MDM4: variants seen among roughly 807,000 people sequenced by gnomAD.
MDM4 encodes the protein MDM4 regulator of p53, also known as protein Mdm4.
MDM4 carries 2 observed loss-of-function variants against 60.2 expected under a neutral mutation model. That is an observed-to-expected ratio of 0.03 (90% CI 0.01 to 0.10). MDM4 has a LOEUF of 0.10. MDM4 is among the 10% of genes least tolerant of loss of function. The pLI, the probability that MDM4 is intolerant of heterozygous loss-of-function variation, is 1.00. For missense variants in MDM4, 447 were observed against 577.5 expected (o/e 0.77, Z 2.32); for synonymous variants, 202 against 198.1 (o/e 1.02, Z -0.17).
In MDM4 at chr1:204,549,820, T is replaced by C; in HGVS notation, c.*138T>C. 1 of 573,094 alleles carries C rather than the reference T, an allele frequency of 1.7e-6. No individual in the cohort carries two copies. 35.5% of individuals were successfully genotyped at this position (573,094 alleles called of 1,614,324 possible). ...AAATCCAAGGTAGCTGTAAGAAAAA[T>C]ACTGGAGCTAACAATGAAGAACAGA... On this transcript the variant is annotated 3_prime_UTR_variant, in exon 11 of 11. Transcript: ENST00000367182.
rs4252715 is a variant in MDM4, at chr1:204,542,741, C to T, written c.512-43C>T. On this transcript the variant is annotated intron_variant, in intron 7 of 10. Coordinates refer to ENST00000367182, the MANE Select transcript of MDM4 (RefSeq NM_002393.5). ...ATTCTAAAGATAGTCTTAGTTATTA[C>T]GTATTGTGCATAGTTATCATTCTTT... The T allele has an allele frequency of 4.6e-4, 648 of 1,409,188 alleles. 3 individuals carry two copies. In the African/African-American group the frequency reaches 7.9e-3, roughly 17 times the overall value. The allele number at this position is 1,409,188 out of a possible 1,614,324, so 87.3% of individuals were successfully genotyped here. A position where few individuals can be genotyped will look rare whatever the true frequency, so the allele number is the denominator to read the frequency against.
In MDM4 at chr1:204,553,769, C is replaced by T. The variant is rs115785685; in HGVS notation, c.*4087C>T. The T allele has an allele frequency of 6.3e-4, 140 of 223,356 alleles. No homozygotes were observed. Among genetic ancestry groups the T allele is most frequent in the African/African-American group, 3.0e-3 (135 of 44,980 alleles). The allele number at this position is 223,356 out of a possible 1,614,324, so 13.8% of individuals were successfully genotyped here. On this transcript the variant is annotated 3_prime_UTR_variant, in exon 11 of 11. Coordinates refer to ENST00000367182, the MANE Select transcript of MDM4 (RefSeq NM_002393.5). ...CTCACTCTCCTTCCAGTGTACTTCA[C>T]AGTAATTGGTATGCTTTTTTATTTA...
Position 204,556,092 on chromosome 1 carries a change from C to A in MDM4, c.*6410C>A, listed in dbSNP as rs1240053794. 2.7e-5 allele frequency: 6 copies of A among 221,556 alleles called. No individual in the cohort carries two copies. The highest frequency in any genetic ancestry group is 1.1e-4 in the African/African-American group (5 of 44,590). 13.7% of individuals were successfully genotyped at this position (221,556 alleles called of 1,614,324 possible). A position where few individuals can be genotyped will look rare whatever the true frequency, so the allele number is the denominator to read the frequency against. On this transcript the variant is annotated 3_prime_UTR_variant, in exon 11 of 11. Transcript: ENST00000367182. ...TGAGTAATAATAAAACTCTGGTCTC[C>A]CTTAAGAAAAAAAAACCCTTCCACC...
chr1:204,537,659 C>T (rs2102392305), intron 6 of MDM4, among the ~76,000 whole-genome samples, 162 bp downstream of exon 6: 1 of 152,300 alleles, frequency 6.6e-6, no homozygotes. Context: ...CTTCTCTGTT[C>T]TGCCCATAAC....
Position 204,554,272 on chromosome 1 carries a change from G to T in MDM4, c.*4590G>T, listed in dbSNP as rs192441819. 4 of 225,164 alleles carry T rather than the reference G, an allele frequency of 1.8e-5. No individual in the cohort carries two copies. The highest frequency in any genetic ancestry group is 3.5e-5 in the Non-Finnish European group (4 of 113,108). The allele number at this position is 225,164 out of a possible 1,614,324, so 13.9% of individuals were successfully genotyped here. On this transcript the variant is annotated 3_prime_UTR_variant, in exon 11 of 11. Coordinates refer to ENST00000367182, the MANE Select transcript of MDM4 (RefSeq NM_002393.5). ...TTGAGTTTTTTCCCCTCAGAATTAT[G>T]TGAATTTCTGATATATGGCTTTAGA...
At chr1:204,517,698 G>A (rs1659132142) in intron 1 of MDM4, among the ~76,000 whole-genome samples, 1 of 148,966 alleles carries the variant, frequency 6.7e-6, no homozygotes, top group African/African-American at 2.5e-5. Flanking sequence ...CACCGTGCCC[G>A]GCCGAAAACC....
At chr1:204,523,246 G>A (rs1007191958) in intron 1 of MDM4, among the ~76,000 whole-genome samples, 3 of 147,336 alleles carry the variant, frequency 2.0e-5, no homozygotes, top group African/African-American at 4.9e-5. Flanking sequence ...GAGGCAGGCG[G>A]ATCACGAGGT....
chr1:204,530,236 C>G (rs1369710801), intron 3 of MDM4, among the ~76,000 whole-genome samples: 1 of 152,132 alleles, frequency 6.6e-6, no homozygotes, highest in Non-Finnish European at 1.5e-5. Flanking sequence ...GCTGATGGCT[C>G]TTATTAAACA....
At chr1:204,523,095 T>C (rs151068712) in intron 1 of MDM4, among the ~76,000 whole-genome samples, 3,955 of 149,788 alleles carry the variant, frequency 0.026, 70 homozygotes, top group Non-Finnish European at 0.041. Flanking sequence ...ACTCCTGACC[T>C]CAGGTGATCC....
rs1455068159 is a variant in MDM4, at chr1:204,551,434, A to C, written c.*1752A>C. 1.1e-5 allele frequency: 2 copies of C among 186,806 alleles called. No individual in the cohort carries two copies. Among genetic ancestry groups the C allele is most frequent in the East Asian group, 7.9e-5 (1 of 12,590 alleles). The allele number at this position is 186,806 out of a possible 1,614,324, so 11.6% of individuals were successfully genotyped here. A position where few individuals can be genotyped will look rare whatever the true frequency, so the allele number is the denominator to read the frequency against. On this transcript the variant is annotated 3_prime_UTR_variant, in exon 11 of 11. Coordinates refer to ENST00000367182, the MANE Select transcript of MDM4 (RefSeq NM_002393.5). The stretch of plus-strand genomic sequence containing the variant: ...GCTTACACCAAGGCAATACGCCTTG[A>C]TATACTGGATGGTTGAGAGGCAGCC...
At chr1:204,548,326 C>T (rs1490621599) in intron 10 of MDM4, among the ~76,000 whole-genome samples, 1 of 152,230 alleles carries the variant, frequency 6.6e-6, no homozygotes, top group African/African-American at 2.4e-5. Flanking sequence ...GCCCTTGCCT[C>T]AGTCTGGACA....
intron 7 of MDM4, among the ~76,000 whole-genome samples, chr1:204,538,609 G>A (rs1317364591): frequency 6.6e-6 from 1 of 152,020 alleles, no homozygotes; most frequent in African/African-American, 2.4e-5. Context: ...GAATTCAGCT[G>A]CCTTAGACTT....
rs912517258 is a variant in MDM4, at chr1:204,537,805, C to T, written c.411+308C>T. ...TATTGCTTTATTAGATTTTAATAGG[C>T]GTGTTGCAGTTAAGTTCATGTCAGG... On this transcript the variant is annotated intron_variant, in intron 6 of 10. Transcript: ENST00000367182. 9 of 615,810 alleles carry T rather than the reference C, an allele frequency of 1.5e-5. No individual in the cohort carries two copies. In the East Asian group the frequency reaches 1.5e-4, roughly 10 times the overall value. 38.1% of individuals were successfully genotyped at this position (615,810 alleles called of 1,614,324 possible).
chr1:204,544,229 C>G (rs897047605), intron 8 of MDM4, among the ~76,000 whole-genome samples: 1 of 152,294 alleles, frequency 6.6e-6, no homozygotes, highest in East Asian at 1.9e-4. Context: ...GGAATAGATT[C>G]TATTTACTTG....
chr1:204,528,218 A>G (rs1008631946), intron 3 of MDM4, among the ~76,000 whole-genome samples: 40 of 152,204 alleles, frequency 2.6e-4, no homozygotes, highest in Admixed American at 1.8e-3. Context: ...GAAGCCGAGC[A>G]GAGCGTGGCA....
In MDM4 at chr1:204,544,670, G is replaced by A. The variant is rs781700116; in HGVS notation, c.808G>A (p.Val270Ile). 6.2e-7 allele frequency: 1 copy of A among 1,612,286 alleles called. No homozygotes were observed. Among genetic ancestry groups the A allele is most frequent in the Non-Finnish European group, 8.5e-7 (1 of 1,178,728 alleles). Residue 270 changes from valine to isoleucine, a missense_variant, in exon 9 of 11, where the codon GTA becomes ATA. Around this residue, in one of 8 missense-constraint regions of MDM4, gnomAD observed 184 missense variants for 179.3 expected, o/e 1.03. Transcript: ENST00000367182. ...ACAAACAAGTGAAGAAGTAGGGAAAGTAAGTGACAAAAAGGTATGTTGTGG... is the reference window on the plus strand; with the variant it reads ...ACAAACAAGTGAAGAAGTAGGGAAAATAAGTGACAAAAAGGTATGTTGTGG... ...TEQTSEEVGK[V>I]SDKKVIEVGK...
At chr1:204,539,196 G>GGCTGGTCTCGAACT (rs893659294) in intron 7 of MDM4, among the ~76,000 whole-genome samples, 3 of 152,012 alleles carry the variant, frequency 2.0e-5, no homozygotes, top group Admixed American at 2.0e-4. Context: ...ATGTTGGCCA[G>GGCTGGTCTCGAACT]GCTGGTCTCG....
At chr1:204,525,203 T>A (rs1659998537) in intron 1 of MDM4, 1 of 278,122 alleles carries the variant, frequency 3.6e-6, no homozygotes, top group African/African-American at 2.3e-5. Flanking sequence ...TAAAACAGTT[T>A]ACTGATTAAC....
chr1:204,542,543 T>G (rs1485189856), intron 7 of MDM4, among the ~76,000 whole-genome samples: 1 of 152,140 alleles, frequency 6.6e-6, no homozygotes. Flanking sequence ...GACAATGCTT[T>G]TAGAGTTTAA....
Sources: allele counts gnomAD v4.1 joint callset (sites outside exome capture counted in the v4.1 genomes callset), GRCh38; gene constraint gnomAD v4.1.1; regional missense constraint gnomAD v4.1.1; transcripts MANE v1.5; gene names NCBI Gene and HGNC (gene_info 2026-07-23, HGNC 2026-07-21).